The following IFT57 variants were observed in gnomAD, a reference collection of about 807,000 sequenced individuals.
IFT57 encodes the protein intraflagellar transport 57, also known as intraflagellar transport protein 57 homolog.
In IFT57, 59 loss-of-function variants were observed where a neutral mutation model predicts 56.8. The ratio of observed to expected loss-of-function variants is 1.04; its 90% CI spans 0.84 to 1.29. IFT57 has a LOEUF of 1.29. IFT57 is among the 50% of genes most tolerant of loss of function. IFT57 has a pLI of 0.00. For synonymous variants in IFT57, 209 were observed against 186.1 expected (o/e 1.12, Z -1.00); for missense variants, 470 against 522.1 (o/e 0.90, Z 0.97).
At chr3:108,178,913 TTCCAGTAGA>T (rs573361521) in intron 6 of IFT57, among the ~76,000 whole-genome samples, 174 of 151,968 alleles carry the variant, frequency 1.1e-3, no homozygotes, top group African/African-American at 4.0e-3. Flanking sequence ...AATGTGTACA[TTCCAGTAGA>T]AATGTGTACA....
At chr3:108,206,060 A>ACT (rs1560122615) in intron 5 of IFT57, among the ~76,000 whole-genome samples, 3 of 124,856 alleles carry the variant, frequency 2.4e-5, no homozygotes, top group Admixed American at 9.4e-5. Flanking sequence ...TATATTATTT[A>ACT]TATATAATAA....
chr3:108,222,227 C>T lies in IFT57; in HGVS notation c.96G>A (p.Arg32=). 10 of 1,614,154 alleles carry T rather than the reference C, an allele frequency of 6.2e-6. No homozygotes were observed. Among genetic ancestry groups the T allele is most frequent in the Non-Finnish European group, 8.5e-6 (10 of 1,180,024 alleles). The change falls in exon 1 of 11, where the codon CGG becomes CGA. Residue 32 remains arginine, a synonymous_variant. Coordinates refer to ENST00000264538, the MANE Select transcript of IFT57 (RefSeq NM_018010.4). ...GEGTGEVVLE[R]GPGAAYHMFV... is the part of the protein sequence containing the mutation. ...ACATGTGGTAGGCCGCGCCGGGCCC[C>T]CGCTCCAAGACCACTTCCCCGGTCC...
At position 108,191,557 on chromosome 3, in the gene IFT57, T is replaced by C. The variant is rs753551661; in HGVS notation, c.741A>G (p.Leu247=). The C allele has an allele frequency of 2.5e-6, 4 of 1,608,440 alleles. No individual in the cohort carries two copies. The African/African-American group carries it at 5.4e-5, about 22-fold the overall frequency. ...TCCTAATCGTGACTTTCAGTTGCGG[T>C]AGTACACGTTCCACTTCTAGGCTCC... ...AEWSLEVERV[L]PQLKVTIRTD... The change falls in exon 6 of 11, where the codon CTA becomes CTG. Residue 247 remains leucine, a synonymous_variant. Coordinates refer to ENST00000264538, the MANE Select transcript of IFT57 (RefSeq NM_018010.4).
Position 108,162,664 on chromosome 3 carries a change from T to C in IFT57, c.1112-9A>G, listed in dbSNP as rs754053547. ...AATCTTCACCAAAGGAGCTGCAGAA[T>C]GAAAATAACATGAAATAAAAATGTT... On this transcript the variant is annotated splice_polypyrimidine_tract_variant and intron_variant, in intron 10 of 10. Coordinates refer to ENST00000264538, the MANE Select transcript of IFT57 (RefSeq NM_018010.4). 6.4e-7 allele frequency: 1 copy of C among 1,574,250 alleles called. No individual in the cohort carries two copies. The highest frequency in any genetic ancestry group is 8.6e-7 in the Non-Finnish European group (1 of 1,156,896).
intron 5 of IFT57, among the ~76,000 whole-genome samples, chr3:108,198,414 CTCA>C (rs1309243740): frequency 3.9e-5 from 6 of 152,062 alleles, no homozygotes; most frequent in African/African-American, 1.4e-4. Flanking sequence ...CTTGTCACTC[CTCA>C]TGTTTGGTGT....
At chr3:108,167,242 T>G (rs1329292507) in intron 7 of IFT57, 3 of 356,956 alleles carry the variant, frequency 8.4e-6, no homozygotes, top group Non-Finnish European at 1.5e-5. Context: ...AAAATTTATG[T>G]GACTATAATT....
intron 1 of IFT57, among the ~76,000 whole-genome samples, chr3:108,221,543 G>T (rs2080405383): frequency 6.6e-6 from 1 of 152,164 alleles, no homozygotes; most frequent in African/African-American, 2.4e-5. Flanking sequence ...TACAAAGGCA[G>T]AAGTCTTTTA....
At chr3:108,187,596 A>AG (rs2080191314) in intron 6 of IFT57, among the ~76,000 whole-genome samples, 2 of 149,172 alleles carry the variant, frequency 1.3e-5, no homozygotes, top group Non-Finnish European at 3.0e-5. Flanking sequence ...TTAAAAAAAA[A>AG]AGGGGGGGAG....
chr3:108,221,208 G>A (rs2080404005), intron 1 of IFT57, among the ~76,000 whole-genome samples: 1 of 152,144 alleles, frequency 6.6e-6, no homozygotes, highest in Non-Finnish European at 1.5e-5. Context: ...ACTATCAAGG[G>A]AAATTATTTG....
At chr3:108,183,086 T>C (rs776478268) in intron 6 of IFT57, among the ~76,000 whole-genome samples, 1 of 152,120 alleles carries the variant, frequency 6.6e-6, no homozygotes, top group Non-Finnish European at 1.5e-5. Context: ...TAGGGTTTAG[T>C]TGAAAACTGA....
intron 3 of IFT57, among the ~76,000 whole-genome samples, chr3:108,217,144 T>G (rs539334641): frequency 6.6e-6 from 1 of 152,176 alleles, no homozygotes; most frequent in Non-Finnish European, 1.5e-5. Flanking sequence ...ATGATGAATA[T>G]GTTAATTTCA....
chr3:108,163,750 C>T, intron 9 of IFT57, 21 bp from the exon 10 acceptor site: 1 of 1,456,256 alleles, frequency 6.9e-7, no homozygotes, highest in Non-Finnish European at 9.6e-7. Context: ...AACAAGTTTT[C>T]ATGAGCATTA....
intron 6 of IFT57, among the ~76,000 whole-genome samples, chr3:108,189,191 T>C (rs1043665523): frequency 2.0e-5 from 3 of 152,198 alleles, no homozygotes; most frequent in African/African-American, 7.2e-5. Flanking sequence ...ATACAAAGAA[T>C]TCACCTGCAA....
rs139626836 is a variant in IFT57 at position 108,162,533 on chromosome 3, T to C, written c.1234A>G (p.Met412Val). 49 of 1,612,292 alleles carry C rather than the reference T, an allele frequency of 3.0e-5. No homozygotes were observed. Among genetic ancestry groups the C allele is most frequent in the Middle Eastern group, 3.3e-4 (2 of 6,078 alleles). The change falls in exon 11 of 11, where the codon ATG becomes GTG. Residue 412 changes from methionine (M) to valine (V), a missense_variant. Met to Val is a conservative substitution (Grantham distance 21). Transcript: ENST00000264538. ...LQSKLKEKSN[M>V]TRNMHATVIP... ...ACTGTGGCATGCATGTTCCTAGTCA[T>C]GTTGGACTTCTCCTTCAGCTTTGAT...
chr3:108,193,518 A>C lies in IFT57; in HGVS notation c.655-1875T>G, dbSNP rs13326417. Among the ~76,000 whole-genome samples, 703 of 152,362 alleles carry C rather than the reference A, an allele frequency of 4.6e-3. 3 individuals are homozygous for C. Among genetic ancestry groups the C allele is most frequent in the African/African-American group, 0.016 (666 of 41,588 alleles). On this transcript the variant is annotated intron_variant, in intron 5 of 10. Coordinates refer to ENST00000264538, the MANE Select transcript of IFT57 (RefSeq NM_018010.4). ...CATTTAGAAAACCAGAAGTATAAAAAAACAAAACATTAAGTAAAATGTGAA... is the reference window on the plus strand; with the variant it reads ...CATTTAGAAAACCAGAAGTATAAAACAACAAAACATTAAGTAAAATGTGAA...
chr3:108,194,341 G>A (rs539249691), intron 5 of IFT57, among the ~76,000 whole-genome samples: 52 of 152,128 alleles, frequency 3.4e-4, no homozygotes, highest in Middle Eastern at 6.8e-3. Flanking sequence ...TGAAAGAACT[G>A]AAGAGGACAC....
chr3:108,171,101 C>T (rs2080089754), intron 6 of IFT57, among the ~76,000 whole-genome samples: 1 of 151,744 alleles, frequency 6.6e-6, no homozygotes, highest in Non-Finnish European at 1.5e-5. Context: ...GTGAATAGTC[C>T]CATTCTACCT....
chr3:108,219,313 A>T lies in IFT57; in HGVS notation c.375+97T>A. Reference sequence around the variant, plus strand: ...TACCTAAAAATAAATTCATATTTACAGAGGAGTCATCTAAATGGCTAGCAT... The same window carrying T: ...TACCTAAAAATAAATTCATATTTACTGAGGAGTCATCTAAATGGCTAGCAT... On this transcript the variant is annotated intron_variant, in intron 2 of 10. Coordinates refer to ENST00000264538, the MANE Select transcript of IFT57 (RefSeq NM_018010.4). 4 of 929,478 alleles carry T rather than the reference A, an allele frequency of 4.3e-6. No individual in the cohort carries two copies. The South Asian group carries it at 6.0e-5, about 14-fold the overall frequency. 57.6% of individuals were successfully genotyped at this position (929,478 alleles called of 1,614,324 possible).
intron 5 of IFT57, among the ~76,000 whole-genome samples, chr3:108,193,580 T>G (rs914501860): frequency 2.6e-5 from 4 of 152,188 alleles, no homozygotes; most frequent in Non-Finnish European, 4.4e-5. Flanking sequence ...CATTTAAATA[T>G]GGAAACATTG....
Sources: gnomAD v4.1 joint callset for allele counts (sites outside exome capture counted in the v4.1 genomes callset) on GRCh38, gnomAD v4.1.1 for gene constraint, MANE v1.5 for transcripts, NCBI Gene and HGNC (gene_info 2026-07-23, HGNC 2026-07-21) for gene names.